Variants in NR3C2 observed in about 807,000 individuals in gnomAD.
NR3C2 encodes the protein nuclear receptor subfamily 3 group C member 2.
Under a neutral mutation model 86.4 loss-of-function variants are expected in NR3C2, and 15 were observed. The observed-to-expected ratio is 0.17, with a 90% CI of 0.12 to 0.27. The LOEUF (loss-of-function observed/expected upper bound fraction) is 0.27, where lower values mean the gene tolerates loss of function less well. Ranked by LOEUF, NR3C2 falls within the 10% of genes least tolerant of loss-of-function variation. NR3C2 has a pLI of 1.00. For synonymous variants in NR3C2, 458 were observed against 450.5 expected (o/e 1.02, Z -0.21); for missense variants, 960 against 1,195.6 (o/e 0.80, Z 2.91).
At position 148,136,676 on chromosome 4, in the gene NR3C2, C is replaced by T. The variant is rs1338542476; in HGVS notation, c.2510+15793G>A. On this transcript the variant is annotated intron_variant, in intron 6 of 8. Transcript: ENST00000358102. ...TGCTTTTTTTTTTGAGATGGAGTTT[C>T]GCTCTTGTTGTCCAGGCTGGAGTGC... is the stretch of plus-strand genomic sequence containing the variant. 4.0e-5 allele frequency among the ~76,000 whole-genome samples: 6 copies of T among 151,892 alleles called. No homozygotes were observed. In the South Asian group the frequency reaches 6.2e-4, roughly 16 times the overall value.
At chr4:148,160,532 C>T (rs898491048) in intron 4 of NR3C2, among the ~76,000 whole-genome samples, 3 of 151,968 alleles carry the variant, frequency 2.0e-5, no homozygotes, top group African/African-American at 7.3e-5. Context: ...ACAACTTTCC[C>T]CCTCTGGAGT....
intron 2 of NR3C2, among the ~76,000 whole-genome samples, chr4:148,404,733 G>A (rs1264224241): frequency 6.6e-6 from 1 of 152,020 alleles, no homozygotes; most frequent in African/African-American, 2.4e-5. Context: ...CAATAAAAAA[G>A]GAGGAAATGT....
intron 8 of NR3C2, among the ~76,000 whole-genome samples, chr4:148,087,708 T>C (rs1444726902): frequency 6.6e-6 from 1 of 151,936 alleles, no homozygotes; most frequent in Non-Finnish European, 1.5e-5. Flanking sequence ...TATACAAAAA[T>C]CAACTCAAGA....
chr4:148,305,039 C>T (rs1010523079), intron 2 of NR3C2, among the ~76,000 whole-genome samples: 6 of 151,474 alleles, frequency 4.0e-5, no homozygotes, highest in Admixed American at 6.6e-5. Context: ...AAAAATCCAT[C>T]ATCATCGCTT....
chr4:148,400,982 T>C (rs1748132683), intron 2 of NR3C2, among the ~76,000 whole-genome samples: 2 of 152,320 alleles, frequency 1.3e-5, no homozygotes, highest in Admixed American at 1.3e-4. Flanking sequence ...TATCACACTT[T>C]ATTGCCTACC....
In NR3C2 at chr4:148,354,194, G is replaced by C. The variant is rs577180885; in HGVS notation, c.1757+80910C>G. Among the ~76,000 whole-genome samples, 5 of 151,928 alleles carry C rather than the reference G, an allele frequency of 3.3e-5. No homozygotes were observed. The South Asian group carries it at 1.0e-3, about 32-fold the overall frequency. ...GATGACAAGGATGAAGACCTTTTTT[G>C]ATGATCCACTTAATGAACAGTTAAG... On this transcript the variant is annotated intron_variant, in intron 2 of 8. Coordinates refer to ENST00000358102, the MANE Select transcript of NR3C2 (RefSeq NM_000901.5).
chr4:148,315,592 C>G (rs1031510320), intron 2 of NR3C2, among the ~76,000 whole-genome samples: 2 of 152,186 alleles, frequency 1.3e-5, no homozygotes, highest in Non-Finnish European at 2.9e-5. Context: ...TTATCCAAAA[C>G]ACTTCTTCTG....
intron 3 of NR3C2, among the ~76,000 whole-genome samples, chr4:148,234,264 T>C (rs1738621876): frequency 2.0e-5 from 3 of 152,212 alleles, no homozygotes; most frequent in Admixed American, 2.0e-4. Flanking sequence ...TAAACAATTT[T>C]TTTATTTTGA....
At chr4:148,256,504 G>A (rs1453376687) in intron 3 of NR3C2, among the ~76,000 whole-genome samples, 3 of 151,996 alleles carry the variant, frequency 2.0e-5, no homozygotes, top group Non-Finnish European at 4.4e-5. Context: ...AGCAATGTTC[G>A]GGTAGGGCAA....
intron 2 of NR3C2, among the ~76,000 whole-genome samples, chr4:148,280,360 T>A (rs138775510): frequency 1.5e-4 from 23 of 152,296 alleles, no homozygotes; most frequent in African/African-American, 5.5e-4. Flanking sequence ...CCTAGATGGG[T>A]TAACATGGGA....
chr4:148,318,585 A>C (rs9683768), intron 2 of NR3C2, among the ~76,000 whole-genome samples: 1 of 151,762 alleles, frequency 6.6e-6, no homozygotes, highest in Admixed American at 6.5e-5. Context: ...GTGTGAGATG[A>C]TATCTCATTG....
At chr4:148,387,585 T>A (rs867429015) in intron 2 of NR3C2, among the ~76,000 whole-genome samples, 3 of 152,184 alleles carry the variant, frequency 2.0e-5, no homozygotes, top group Admixed American at 2.0e-4. Context: ...ACTGACTGAA[T>A]GCTAACTTCT....
At chr4:148,340,632 A>C (rs1744705715) in intron 2 of NR3C2, among the ~76,000 whole-genome samples, 1 of 152,136 alleles carries the variant, frequency 6.6e-6, no homozygotes, top group Non-Finnish European at 1.5e-5. Flanking sequence ...AAAATACACA[A>C]ATGGGATCCT....
At chr4:148,350,725 A>T (rs1275967568) in intron 2 of NR3C2, among the ~76,000 whole-genome samples, 1 of 152,202 alleles carries the variant, frequency 6.6e-6, no homozygotes, top group Non-Finnish European at 1.5e-5. Flanking sequence ...CAAGGGATAC[A>T]GACAGAGCCC....
chr4:148,121,231 G>A (rs868449598), intron 6 of NR3C2, among the ~76,000 whole-genome samples: 15 of 152,320 alleles, frequency 9.8e-5, no homozygotes, highest in South Asian at 2.1e-4. Flanking sequence ...AGCAGGCAGC[G>A]TCTGCAGGAA....
chr4:148,390,019 T>C (rs1047774160), intron 2 of NR3C2, among the ~76,000 whole-genome samples: 4 of 151,628 alleles, frequency 2.6e-5, no homozygotes, highest in Admixed American at 6.6e-5. Flanking sequence ...GATAGGAATA[T>C]GATAAAAGGA....
At chr4:148,357,635 A>G (rs748384513) in intron 2 of NR3C2, among the ~76,000 whole-genome samples, 5 of 152,198 alleles carry the variant, frequency 3.3e-5, no homozygotes, top group Admixed American at 6.5e-5. Flanking sequence ...TACCAACATG[A>G]CAAGCTTTTA....
At chr4:148,178,496 G>A (rs1199665830) in intron 4 of NR3C2, among the ~76,000 whole-genome samples, 1 of 151,784 alleles carries the variant, frequency 6.6e-6, no homozygotes, top group Non-Finnish European at 1.5e-5. Flanking sequence ...TTTCAAGGAT[G>A]TTCTGCAATT....
intron 2 of NR3C2, among the ~76,000 whole-genome samples, chr4:148,334,543 AAAAC>A (rs563560612): frequency 2.0e-5 from 3 of 152,216 alleles, no homozygotes; most frequent in African/African-American, 4.8e-5. Context: ...CTCCATCTCA[AAAAC>A]AAACAAACAA....
Sources: allele counts gnomAD v4.1 joint callset (sites outside exome capture counted in the v4.1 genomes callset), GRCh38; gene constraint gnomAD v4.1.1; transcripts MANE v1.5; gene names NCBI Gene and HGNC (gene_info 2026-07-23, HGNC 2026-07-21).